DIPK2A: variants seen among roughly 807,000 people sequenced by gnomAD.
DIPK2A encodes Golgi Protein of 49 kDa.
A neutral mutation model predicts 39.0 loss-of-function variants in DIPK2A; 27 were observed. The ratio of observed to expected loss-of-function variants is 0.69; its 90% CI spans 0.51 to 0.96. The LOEUF (loss-of-function observed/expected upper bound fraction) is 0.96. Ranked by LOEUF, DIPK2A falls within the 40% of genes least tolerant of loss-of-function variation. The pLI, the probability that DIPK2A is intolerant of heterozygous loss-of-function variation, is 0.00. For missense variants in DIPK2A, 528 were observed against 571.3 expected (o/e 0.92, Z 0.77); for synonymous variants, 298 against 240.8 (o/e 1.24, Z -2.20).
At chr3:143,980,090 A>T (rs889885756) in intron 1 of DIPK2A, among the ~76,000 whole-genome samples, 1 of 152,176 alleles carries the variant, frequency 6.6e-6, no homozygotes, top group Admixed American at 6.5e-5. Flanking sequence ...TAATTTTACT[A>T]TATCTCCCCT....
rs759596111 is a variant in DIPK2A, at chr3:143,972,210, G to T, written c.-123G>T. 1 of 910,722 alleles carries T rather than the reference G, an allele frequency of 1.1e-6. No homozygotes were observed. Among genetic ancestry groups the T allele is most frequent in the South Asian group, 2.8e-5 (1 of 35,864 alleles). 56.4% of individuals were successfully genotyped at this position (910,722 alleles called of 1,614,324 possible). ...CTCTCACACACCTACTCCGCCCTCC[G>T]CCCCAGCCCGCGCGCTAGCTCCTTC... On this transcript the variant is annotated 5_prime_UTR_variant, in exon 1 of 3. Transcript: ENST00000315691.
intron 1 of DIPK2A, among the ~76,000 whole-genome samples, chr3:143,976,579 AGAGAG>A (rs2087733586): frequency 6.7e-6 from 1 of 148,182 alleles, no homozygotes; most frequent in African/African-American, 2.5e-5. Flanking sequence ...AGAGAGAGAG[AGAGAG>A]ATGCTGTCTG....
chr3:143,983,414 T>C (rs2087853166), intron 1 of DIPK2A, among the ~76,000 whole-genome samples: 2 of 152,136 alleles, frequency 1.3e-5, no homozygotes, highest in South Asian at 4.1e-4. Context: ...CACTCAAAAT[T>C]GCACAACTAC....
intron 1 of DIPK2A, among the ~76,000 whole-genome samples, chr3:143,975,757 A>G (rs1348649471): frequency 6.6e-6 from 1 of 151,938 alleles, no homozygotes; most frequent in Non-Finnish European, 1.5e-5. Flanking sequence ...TTCCTCCAGG[A>G]GAGGGAGCTA....
intron 1 of DIPK2A, among the ~76,000 whole-genome samples, chr3:143,976,531 AGTGT>A (rs34741607): frequency 3.3e-4 from 47 of 142,688 alleles, no homozygotes; most frequent in East Asian, 6.0e-4. Flanking sequence ...AGAAAGGGAG[AGTGT>A]GTGTGTGTGT....
intron 1 of DIPK2A, 33 bp downstream of exon 1, chr3:143,973,022 G>A (rs1352194727): frequency 6.5e-7 from 1 of 1,548,864 alleles, no homozygotes; most frequent in Middle Eastern, 2.3e-4. Context: ...GGGCGTCCTG[G>A]GAGGGGCCGC....
At position 143,985,649 on chromosome 3, in the gene DIPK2A, C is replaced by T. The variant is rs748228372; in HGVS notation, c.764C>T (p.Ala255Val). ...GAAGAACTGTGGAGTTACTTTAATG[C>T]GCCATGGGAAAAACGAGTTGACCTC... ...VGEELWSYFN[A>V]PWEKRVDLAW... The change falls in exon 2 of 3, where the codon GCG (alanine) becomes GTG (valine). Residue 255 changes from alanine (A) to valine (V), a missense_variant. By Grantham distance (64) the Ala-to-Val change is moderately conservative. Transcript: ENST00000315691. 19 of 1,613,748 alleles carry T rather than the reference C, an allele frequency of 1.2e-5. No individual in the cohort carries two copies. Among genetic ancestry groups the T allele is most frequent in the East Asian group, 6.7e-5 (3 of 44,888 alleles).
chr3:143,976,788 T>C (rs181163413), intron 1 of DIPK2A, among the ~76,000 whole-genome samples: 1 of 152,228 alleles, frequency 6.6e-6, no homozygotes, highest in East Asian at 1.9e-4. Context: ...TTTTATAGTA[T>C]ATGACTATCA....
chr3:143,989,536 T>G lies in DIPK2A; in HGVS notation c.988T>G (p.Tyr330Asp). ...TAAACCTGAAAATTGGGATGTATGG[T>G]ATGAAAGCAAGTTTGATGACTGTGA... is the stretch of plus-strand genomic sequence containing the variant. ...QNKPENWDVW[Y>D]ESKFDDCDKE... The change falls in exon 3 of 3, where the codon TAT (tyrosine) becomes GAT (aspartate). Residue 330 changes from tyrosine to aspartate, a missense_variant. By Grantham distance (160) the Tyr-to-Asp change is radical. This residue lies in a region of DIPK2A where 219 missense variants were observed against 281.5 expected (regional missense o/e 0.78). Coordinates refer to ENST00000315691, the MANE Select transcript of DIPK2A (RefSeq NM_173552.5). 6.2e-7 allele frequency: 1 copy of G among 1,613,672 alleles called. No individual in the cohort carries two copies. Among genetic ancestry groups the G allele is most frequent in the Non-Finnish European group, 8.5e-7 (1 of 1,179,580 alleles).
chr3:143,984,459 T>G (rs2087870057), intron 1 of DIPK2A, among the ~76,000 whole-genome samples: 1 of 151,840 alleles, frequency 6.6e-6, no homozygotes, highest in Non-Finnish European at 1.5e-5. Flanking sequence ...ATTAATAGGC[T>G]TAATTTCAGT....
chr3:143,979,717 T>G (rs900586356), intron 1 of DIPK2A, among the ~76,000 whole-genome samples: 2 of 152,154 alleles, frequency 1.3e-5, no homozygotes, highest in African/African-American at 4.8e-5. Context: ...GGGGCAGCAT[T>G]TCTTAAGCAA....
At chr3:143,980,843 ATAT>A (rs1373407031) in intron 1 of DIPK2A, among the ~76,000 whole-genome samples, 1 of 152,176 alleles carries the variant, frequency 6.6e-6, no homozygotes, top group Admixed American at 6.5e-5. Flanking sequence ...TTTTAATGGA[ATAT>A]TATGAGGTAA....
chr3:143,972,989 G>A lies in DIPK2A; in HGVS notation c.657G>A (p.Gln219=). 2 of 1,579,094 alleles carry A rather than the reference G, an allele frequency of 1.3e-6. No homozygotes were observed. Among genetic ancestry groups the A allele is most frequent in the Non-Finnish European group, 1.7e-6 (2 of 1,165,596 alleles). Residue 219 remains glutamine, a splice_region_variant and synonymous_variant, in exon 1 of 3, where the codon CAG becomes CAA. Transcript: ENST00000315691. ...TCAACCCCGAGCCGCTGGTGCTACA[G>A]GTAGGCGCGGAGCCAGGGCAGGGGG... ...LAFNPEPLVL[Q]SFPSDEGWPF...
rs1559854048 is a variant in DIPK2A, at chr3:143,978,614, ATCTATATCTATATATATATATATATC to A, written c.657+5627_657+5652del. On this transcript the variant is annotated intron_variant, in intron 1 of 2. Transcript: ENST00000315691. ...TCTATCTATCTATCTATATATATATATCTATATCTATATATATATATATATCTATATATATATATATATATCTATAT... is the reference window on the plus strand; with the variant it reads ...TCTATCTATCTATCTATATATATATATATATATATATATATATATCTATAT... The A allele has an allele frequency of 3.8e-3, 180 of 47,284 alleles. 3 individuals are homozygous for A. Among genetic ancestry groups the A allele is most frequent in the South Asian group, 7.8e-3 (13 of 1,658 alleles). The allele number at this position is 47,284 out of a possible 1,614,324, so 2.9% of individuals were successfully genotyped here.
At position 143,985,936 on chromosome 3, in the gene DIPK2A, T is replaced by C. The variant is rs2087893349; in HGVS notation, c.961+90T>C. ...TGTATGAAATGAGCCTTGAATTTCCTCCTTAGATGGCAACTTTAAGCGTCT... is the reference window on the plus strand; with the variant it reads ...TGTATGAAATGAGCCTTGAATTTCCCCCTTAGATGGCAACTTTAAGCGTCT... On this transcript the variant is annotated intron_variant, in intron 2 of 2. Transcript: ENST00000315691. 12 of 1,053,044 alleles carry C rather than the reference T, an allele frequency of 1.1e-5. No homozygotes were observed. In the East Asian group the frequency reaches 3.1e-4, roughly 27 times the overall value. The allele number at this position is 1,053,044 out of a possible 1,614,324, so 65.2% of individuals were successfully genotyped here.
At chr3:143,973,074 T>A in intron 1 of DIPK2A, 85 bp downstream of exon 1, 2 of 1,474,722 alleles carry the variant, frequency 1.4e-6, no homozygotes, top group South Asian at 2.5e-5. Flanking sequence ...AGCCAGCGCT[T>A]GCCGCCAGTT....
At position 143,988,407 on chromosome 3, in the gene DIPK2A, A is replaced by G. The variant is rs145492132; in HGVS notation, c.962-1103A>G. Among the ~76,000 whole-genome samples, 587 of 152,104 alleles carry G rather than the reference A, an allele frequency of 3.9e-3. 5 individuals carry two copies. The highest frequency in any genetic ancestry group is 0.013 in the African/African-American group (554 of 41,488). On this transcript the variant is annotated intron_variant, in intron 2 of 2. Transcript: ENST00000315691. Reference sequence around the variant, plus strand: ...GAGCCACCCCGCCCAGCCTGTGTATATATGTGTTTTTCGAGTGCTTCATTT... The same window carrying G: ...GAGCCACCCCGCCCAGCCTGTGTATGTATGTGTTTTTCGAGTGCTTCATTT...
chr3:143,978,097 A>T (rs569010879), intron 1 of DIPK2A, among the ~76,000 whole-genome samples: 37 of 152,188 alleles, frequency 2.4e-4, no homozygotes, highest in East Asian at 1.3e-3. Context: ...TCTTCTGGAC[A>T]TGGGTGTCCA....
chr3:143,981,680 C>G (rs773766221), intron 1 of DIPK2A, among the ~76,000 whole-genome samples: 12 of 151,898 alleles, frequency 7.9e-5, no homozygotes, highest in Non-Finnish European at 1.3e-4. Context: ...AAAACAAAAA[C>G]AGAAACAAAA....
Sources: allele counts gnomAD v4.1 joint callset (sites outside exome capture counted in the v4.1 genomes callset), GRCh38; gene constraint gnomAD v4.1.1; regional missense constraint gnomAD v4.1.1; transcripts MANE v1.5; gene names NCBI Gene and HGNC (gene_info 2026-07-23, HGNC 2026-07-21).